Variants in ARL15 observed in about 807,000 individuals in gnomAD.
ARL15 encodes ADP-ribosylation factor-like protein 15.
Under a neutral mutation model 25.2 loss-of-function variants are expected in ARL15, and 19 were observed. The ratio of observed to expected loss-of-function variants is 0.75; its 90% confidence interval spans 0.53 to 1.10. The LOEUF is 1.10. Ranked by LOEUF, ARL15 falls within the 50% of genes least tolerant of loss-of-function variation. The pLI is 0.00. For missense variants in ARL15, 220 were observed against 246.0 expected, an observed-to-expected ratio of 0.89 and a Z score of 0.71; for synonymous variants, 94 against 86.8, an observed-to-expected ratio of 1.08 and a Z score of -0.46.
chr5:53,945,949 G>A (rs1561160328), intron 4 of ARL15, among the ~76,000 whole-genome samples: 1 of 152,230 alleles, frequency 6.6e-6, no homozygotes, highest in Non-Finnish European at 1.5e-5. Flanking sequence ...CAGCACTGAA[G>A]TGGAGACACC....
At chr5:54,231,227 T>C (rs556606467) in intron 1 of ARL15, among the ~76,000 whole-genome samples, 1 of 152,276 alleles carries the variant, frequency 6.6e-6, no homozygotes, top group Admixed American at 6.5e-5. Context: ...ATCACCCACC[T>C]AGAAACCTGG....
chr5:54,131,065 G>A (rs771871864), intron 3 of ARL15, among the ~76,000 whole-genome samples: 1 of 152,154 alleles, frequency 6.6e-6, no homozygotes, highest in Non-Finnish European at 1.5e-5. Context: ...TGTAGCCCTT[G>A]GGGTGTCCAG....
At chr5:54,003,664 CTATCTATCTATCTAT>C (rs1748919767) in intron 4 of ARL15, among the ~76,000 whole-genome samples, 14 of 14,432 alleles carry the variant, frequency 9.7e-4, no homozygotes, top group Admixed American at 6.9e-3. Context: ...TATTTTCTTT[CTATCTATCTATCTAT>C]CTATCTATCT....
intron 4 of ARL15, among the ~76,000 whole-genome samples, chr5:53,943,597 A>C (rs1746619046): frequency 6.6e-6 from 1 of 152,208 alleles, no homozygotes; most frequent in Non-Finnish European, 1.5e-5. Context: ...AAAGACAGGA[A>C]TTGTCAAAGA....
At chr5:53,890,872 G>A (rs1442919820) in intron 4 of ARL15, among the ~76,000 whole-genome samples, 3 of 152,170 alleles carry the variant, frequency 2.0e-5, no homozygotes, top group Admixed American at 1.3e-4. Context: ...ACATTACATA[G>A]CACTGGAGAC....
At chr5:53,975,349 T>A (rs145612178) in intron 4 of ARL15, among the ~76,000 whole-genome samples, 2 of 152,160 alleles carry the variant, frequency 1.3e-5, no homozygotes, top group Non-Finnish European at 2.9e-5. Context: ...GCTGGAAATA[T>A]CTCAGTTTCA....
chr5:54,103,627 G>T (rs1752507354), intron 4 of ARL15, among the ~76,000 whole-genome samples: 1 of 152,108 alleles, frequency 6.6e-6, no homozygotes, highest in South Asian at 2.1e-4. Flanking sequence ...TGGAAGAGTG[G>T]CCACTTCTAA....
At chr5:53,900,238 AGCTGAT>A (rs1348562329) in intron 4 of ARL15, among the ~76,000 whole-genome samples, 1 of 152,242 alleles carries the variant, frequency 6.6e-6, no homozygotes, top group Admixed American at 6.5e-5. Context: ...GCTGAAAGAT[AGCTGAT>A]ACATGAAGAA....
chr5:54,084,745 A>C (rs1453925361), intron 4 of ARL15, among the ~76,000 whole-genome samples: 1 of 152,118 alleles, frequency 6.6e-6, no homozygotes, highest in Admixed American at 6.5e-5. Context: ...CTGCAAACAT[A>C]TGAAGACAAC....
chr5:54,058,629 A>G (rs1750963331), intron 4 of ARL15, among the ~76,000 whole-genome samples: 1 of 152,194 alleles, frequency 6.6e-6, no homozygotes, highest in Admixed American at 6.5e-5. Context: ...CAAAAGCTCC[A>G]AGGTAAGATT....
chr5:53,902,596 T>C (rs1462690657), intron 4 of ARL15, among the ~76,000 whole-genome samples: 1 of 152,194 alleles, frequency 6.6e-6, no homozygotes, highest in East Asian at 1.9e-4. Context: ...ATATTGGCCT[T>C]GTGGTACTAT....
At chr5:54,179,990 C>T (rs1561255203) in intron 1 of ARL15, among the ~76,000 whole-genome samples, 3 of 144,236 alleles carry the variant, frequency 2.1e-5, no homozygotes, top group African/African-American at 7.8e-5. Flanking sequence ...TGCTCTCCAG[C>T]CTGGGTGACA....
chr5:54,028,889 G>C (rs973011434), intron 4 of ARL15, among the ~76,000 whole-genome samples: 21 of 152,114 alleles, frequency 1.4e-4, no homozygotes, highest in African/African-American at 4.8e-4. Context: ...AGGTATGGTG[G>C]TATGCGCCTA....
chr5:54,102,913 T>TC (rs1294478723), intron 4 of ARL15, among the ~76,000 whole-genome samples: 9 of 152,198 alleles, frequency 5.9e-5, no homozygotes, highest in African/African-American at 2.4e-5. Flanking sequence ...CTTCTTCCCA[T>TC]AAGGCTCCAT....
At chr5:54,261,977 T>C (rs1757507780) in intron 1 of ARL15, among the ~76,000 whole-genome samples, 1 of 152,216 alleles carries the variant, frequency 6.6e-6, no homozygotes, top group Non-Finnish European at 1.5e-5. Flanking sequence ...GGATAATGTA[T>C]GTTTTCAATA....
intron 4 of ARL15, among the ~76,000 whole-genome samples, chr5:54,064,922 GT>G (rs1312271471): frequency 6.6e-6 from 1 of 152,148 alleles, no homozygotes; most frequent in Non-Finnish European, 1.5e-5. Context: ...GAATAAGCAT[GT>G]GTAGATTTGG....
chr5:54,102,433 T>A (rs2112182081), intron 4 of ARL15, among the ~76,000 whole-genome samples: 1 of 152,294 alleles, frequency 6.6e-6, no homozygotes, highest in African/African-American at 2.4e-5. Context: ...AATCGGGACA[T>A]TTATCTGGAC....
intron 4 of ARL15, among the ~76,000 whole-genome samples, chr5:54,031,850 A>T (rs1375622059): frequency 6.6e-6 from 1 of 152,190 alleles, no homozygotes; most frequent in African/African-American, 2.4e-5. Flanking sequence ...TAGATTTGTG[A>T]TATCAATGAC....
At chr5:53,948,237 C>CCAAAATAA (rs1252984138) in intron 4 of ARL15, among the ~76,000 whole-genome samples, 1 of 152,140 alleles carries the variant, frequency 6.6e-6, no homozygotes, top group African/African-American at 2.4e-5. Flanking sequence ...ATGTAAGTGT[C>CCAAAATAA]CAAAATAAAG....
Sources: gnomAD v4.1 joint callset for allele counts (sites outside exome capture counted in the v4.1 genomes callset) on GRCh38, gnomAD v4.1.1 for gene constraint, MANE v1.5 for transcripts, NCBI Gene and HGNC (gene_info 2026-07-23, HGNC 2026-07-21) for gene names.